The following UCHL5 variants were observed in gnomAD, a reference collection of about 807,000 sequenced individuals.
UCHL5 encodes the protein ubiquitin carboxyl-terminal hydrolase isozyme L5.
A neutral mutation model predicts 53.8 loss-of-function variants in UCHL5; 34 were observed. The ratio of observed to expected loss-of-function variants is 0.63; its 90% CI spans 0.48 to 0.84. UCHL5 has a LOEUF of 0.84. Ranked by LOEUF, UCHL5 falls within the 40% of genes least tolerant of loss-of-function variation. The pLI, the probability that UCHL5 is intolerant of heterozygous loss-of-function variation, is 0.00. For missense variants in UCHL5, 290 were observed against 385.6 expected (o/e 0.75, Z 2.08); for synonymous variants, 111 against 126.3 (o/e 0.88, Z 0.81).
chr1:193,043,374 G>C (rs1005143095), intron 3 of UCHL5, among the ~76,000 whole-genome samples: 10 of 151,908 alleles, frequency 6.6e-5, no homozygotes, highest in African/African-American at 2.4e-4. Context: ...AATTAATCTG[G>C]AATGATCCTG....
intron 3 of UCHL5, among the ~76,000 whole-genome samples, chr1:193,043,151 T>TAAAAAAAAAAAAAAAAAAAAAAAAAA (rs200951342): frequency 1.9e-4 from 7 of 36,370 alleles, no homozygotes; most frequent in Middle Eastern, 0.025. Flanking sequence ...TCTTGAATAT[T>TAAAAAAAAAAAAAAAAAAAAAAAAAA]AAAAAAAAAA....
upstream of UCHL5, chr1:193,059,897 C>T (rs1672324753): frequency 1.5e-5 from 21 of 1,365,538 alleles, no homozygotes; most frequent in Non-Finnish European, 2.1e-5. This position sits in a 1 kb window ranked among gnomAD's most constrained non-coding sequence, Gnocchi z 4.9. Flanking sequence ...GCAAACGCCG[C>T]GAAACTATCG....
rs1441768572 is a variant in UCHL5, at chr1:193,059,113, G to A, written c.76+72C>T. 3.5e-6 allele frequency: 5 copies of A among 1,421,884 alleles called. No homozygotes were observed. Among genetic ancestry groups the A allele is most frequent in the African/African-American group, 1.4e-5 (1 of 69,038 alleles). The allele number at this position is 1,421,884 out of a possible 1,614,324, so 88.1% of individuals were successfully genotyped here. A position where few individuals can be genotyped will look rare whatever the true frequency, so the allele number is the denominator to read the frequency against. ...CAGACGCGGGGCGGCGGTGGCCGCA[G>A]GGAACCACTCCATGCCCAGCTTGGG... On this transcript the variant is annotated intron_variant, in intron 1 of 10. Coordinates refer to ENST00000367454, the MANE Select transcript of UCHL5 (RefSeq NM_001199261.3). This position sits in a 1 kb window ranked among gnomAD's most constrained non-coding sequence, Gnocchi z 4.9.
intron 3 of UCHL5, among the ~76,000 whole-genome samples, chr1:193,035,962 A>T (rs1381480195): frequency 6.6e-6 from 1 of 152,038 alleles, no homozygotes; most frequent in African/African-American, 2.4e-5. Flanking sequence ...TGTAAGCTTC[A>T]TGGTAACCGC....
At chr1:193,041,863 C>G (rs1204516128) in intron 3 of UCHL5, among the ~76,000 whole-genome samples, 1 of 152,110 alleles carries the variant, frequency 6.6e-6, no homozygotes, top group Non-Finnish European at 1.5e-5. Context: ...TGGTTCACAT[C>G]TGTAATCCCA....
At chr1:193,057,224 T>C (rs1487235703) in intron 1 of UCHL5, 1 of 152,638 alleles carries the variant, frequency 6.6e-6, no homozygotes, top group Non-Finnish European at 1.5e-5. Flanking sequence ...CAGGGAGTTA[T>C]TTTTGCCTCT....
intron 7 of UCHL5, 83 bp downstream of exon 7, chr1:193,028,002 C>T (rs1277585189): frequency 6.4e-6 from 10 of 1,572,736 alleles, no homozygotes; most frequent in Non-Finnish European, 8.6e-6. Flanking sequence ...TCAATGCACA[C>T]TGCTAAAATA....
intron 3 of UCHL5, among the ~76,000 whole-genome samples, chr1:193,046,122 C>T (rs1266925126): frequency 6.6e-6 from 1 of 152,162 alleles, no homozygotes; most frequent in South Asian, 2.1e-4. Context: ...GCCTCAACCT[C>T]CTGGGCTCAG....
intron 3 of UCHL5, among the ~76,000 whole-genome samples, chr1:193,038,031 G>A (rs1407488309): frequency 6.6e-6 from 1 of 151,784 alleles, no homozygotes. Flanking sequence ...TGCTGAAAAA[G>A]CATTTGATAA....
intron 1 of UCHL5, among the ~76,000 whole-genome samples, chr1:193,056,324 T>A (rs1670611927): frequency 6.6e-6 from 1 of 152,146 alleles, no homozygotes; most frequent in African/African-American, 2.4e-5. Flanking sequence ...TAGTTTCATG[T>A]ATTTTCTCCA....
chr1:193,034,296 A>G (rs1376959568), intron 3 of UCHL5, among the ~76,000 whole-genome samples: 1 of 151,736 alleles, frequency 6.6e-6, no homozygotes, highest in Non-Finnish European at 1.5e-5. Flanking sequence ...ATAAGATTTA[A>G]AAGAATAAAA....
intron 3 of UCHL5, among the ~76,000 whole-genome samples, chr1:193,039,572 T>C (rs1369561759): frequency 2.0e-5 from 3 of 152,178 alleles, no homozygotes; most frequent in Non-Finnish European, 4.4e-5. Flanking sequence ...ACAATTCTAC[T>C]GAAAGCAATG....
At chr1:193,042,414 A>G (rs1246058603) in intron 3 of UCHL5, among the ~76,000 whole-genome samples, 1 of 152,214 alleles carries the variant, frequency 6.6e-6, no homozygotes, top group African/African-American at 2.4e-5. Flanking sequence ...AACCAATCAT[A>G]TATATGTGTT....
chr1:193,053,012 G>A (rs1571928925), intron 1 of UCHL5, among the ~76,000 whole-genome samples: 1 of 152,180 alleles, frequency 6.6e-6, no homozygotes, highest in Admixed American at 6.5e-5. Context: ...GGGCATTCAT[G>A]CCATTCTGTG....
At position 193,014,785 on chromosome 1, in the gene UCHL5, CT is replaced by C. The variant is rs1048718781; in HGVS notation, c.*1565del. 6.6e-6 allele frequency: 1 copy of C among 152,002 alleles called. No homozygotes were observed. Among genetic ancestry groups the C allele is most frequent in the Non-Finnish European group, 1.5e-5 (1 of 67,978 alleles). The allele number at this position is 152,002 out of a possible 1,614,324, so 9.4% of individuals were successfully genotyped here. ...TTGATCTGTTTTCAGGCTCTCTCTT[CT>C]GTTCCATTGCTTTATTTGTCAATCC... On this transcript the variant is annotated 3_prime_UTR_variant, in exon 11 of 11. Transcript: ENST00000367454.
chr1:193,060,074 A>G, upstream of UCHL5: 1 of 1,302,636 alleles, frequency 7.7e-7, no homozygotes. Flanking sequence ...CGACGTCGAG[A>G]GGGCCTGCTT....
chr1:193,053,903 G>A (rs1290521067), intron 1 of UCHL5, among the ~76,000 whole-genome samples: 2 of 151,920 alleles, frequency 1.3e-5, no homozygotes, highest in African/African-American at 2.4e-5. Context: ...AATCTGGTAG[G>A]AGACAAGCAC....
Position 193,016,349 on chromosome 1 carries a change from C to T in UCHL5, c.*2G>A, listed in dbSNP as rs905668355. On this transcript the variant is annotated 3_prime_UTR_variant, in exon 11 of 11. Coordinates refer to ENST00000367454, the MANE Select transcript of UCHL5 (RefSeq NM_001199261.3). Reference sequence around the variant, plus strand: ...GAAATGTGTACATATCTGAAAACATCTTCATTTGGTTTCCTGAGCTTTCTT... The same window carrying T: ...GAAATGTGTACATATCTGAAAACATTTTCATTTGGTTTCCTGAGCTTTCTT... 6.2e-7 allele frequency: 1 copy of T among 1,604,254 alleles called. No individual in the cohort carries two copies. The highest frequency in any genetic ancestry group is 8.5e-7 in the Non-Finnish European group (1 of 1,177,032).
intron 3 of UCHL5, among the ~76,000 whole-genome samples, chr1:193,043,774 G>A (rs1253015796): frequency 6.6e-6 from 1 of 152,152 alleles, no homozygotes; most frequent in Non-Finnish European, 1.5e-5. Context: ...ATCGGAGGGG[G>A]TTCCTTGGAT....
Sources: gnomAD v4.1 joint callset for allele counts (sites outside exome capture counted in the v4.1 genomes callset) on GRCh38, gnomAD v4.1.1 for gene constraint, Gnocchi (gnomAD v3.1) non-coding constraint, MANE v1.5 for transcripts, NCBI Gene and HGNC (gene_info 2026-07-23, HGNC 2026-07-21) for gene names.